DCAF6: variants seen among roughly 807,000 people sequenced by gnomAD.
The protein encoded by DCAF6 is DDB1 and CUL4 associated factor 6, also known as DDB1- and CUL4-associated factor 6.
DCAF6 carries 54 observed loss-of-function variants against 125.1 expected under a neutral mutation model. The observed-to-expected ratio is 0.43, with a 90% CI of 0.35 to 0.54. DCAF6 has a LOEUF of 0.54. Among genes scored for constraint, DCAF6 ranks in the 20% least tolerant of loss-of-function variants. The pLI is 0.01. For synonymous variants in DCAF6, 371 were observed against 390.4 expected (o/e 0.95, Z 0.58); for missense variants, 934 against 1,161.7 (o/e 0.80, Z 2.85).
intron 13 of DCAF6, 116 bp from the exon 14 acceptor site, chr1:168,042,909 C>G: frequency 1.6e-6 from 1 of 612,602 alleles, no homozygotes; most frequent in Non-Finnish European, 2.9e-6. Flanking sequence ...AATTATAAAT[C>G]CTACATTTTA....
intron 17 of DCAF6, among the ~76,000 whole-genome samples, chr1:168,060,008 A>G (rs924269535): frequency 4.6e-5 from 7 of 152,272 alleles, no homozygotes; most frequent in Admixed American, 3.3e-4. Context: ...GGTTTTGCAT[A>G]TATTTTTTAT....
rs142557483 is a variant in DCAF6 at position 168,006,967 on chromosome 1, A to G, written c.1378+2174A>G. On this transcript the variant is annotated intron_variant, in intron 10 of 21. Coordinates refer to ENST00000367840, the MANE Select transcript of DCAF6 (RefSeq NM_001198956.2). Reference sequence around the variant, plus strand: ...AAGAAAGTTATGACCACAAATTTCAATGGGTGCTCAACACTGTGCATCAGA... The same window carrying G: ...AAGAAAGTTATGACCACAAATTTCAGTGGGTGCTCAACACTGTGCATCAGA... 1.5e-3 allele frequency among the ~76,000 whole-genome samples: 221 copies of G among 152,334 alleles called. 1 individual carries two copies. The highest frequency in any genetic ancestry group is 2.7e-3 in the Non-Finnish European group (185 of 68,010).
chr1:168,041,749 A>G (rs553095780), intron 13 of DCAF6, among the ~76,000 whole-genome samples: 22 of 152,084 alleles, frequency 1.4e-4, no homozygotes, highest in African/African-American at 4.8e-4. Context: ...TTTAATTACT[A>G]TAATGTATAC....
chr1:167,893,917 A>T, the DCAF6 span: 2 of 1,613,412 alleles, frequency 1.2e-6, no homozygotes, highest in Admixed American at 3.3e-5. Context: ...ATCAGGCTTC[A>T]GCGTGCATGC....
chr1:168,053,261 G>T (rs1043502680), intron 17 of DCAF6, among the ~76,000 whole-genome samples: 1 of 152,234 alleles, frequency 6.6e-6, no homozygotes, highest in South Asian at 2.1e-4. Flanking sequence ...ATATAAGAAT[G>T]TAAGCACCTT....
chr1:167,947,587 C>A (rs1320819166), intron 1 of DCAF6, among the ~76,000 whole-genome samples: 1 of 152,092 alleles, frequency 6.6e-6, no homozygotes, highest in Non-Finnish European at 1.5e-5. Flanking sequence ...GTTTCAAAAA[C>A]ATTTTTTTAA....
At chr1:168,072,316 AAAAAAAAAAG>A (rs1693195161) in intron 21 of DCAF6, among the ~76,000 whole-genome samples, 4 of 149,536 alleles carry the variant, frequency 2.7e-5, no homozygotes, top group African/African-American at 9.9e-5. Flanking sequence ...AAAAAAAAAA[AAAAAAAAAAG>A]AAAAGAAAAG....
intron 7 of DCAF6, among the ~76,000 whole-genome samples, chr1:168,001,378 T>C (rs555513439): frequency 2.0e-5 from 3 of 152,294 alleles, no homozygotes; most frequent in African/African-American, 7.2e-5. Flanking sequence ...CTCTGAAAGA[T>C]GCTGTTTGAG....
In DCAF6 at chr1:167,948,217, T is replaced by C. The variant is rs112062215; in HGVS notation, c.98-3583T>C. The stretch of plus-strand genomic sequence containing the variant: ...CACTCTTCACTTTGACTTCAGACAG[T>C]CTGATTATAATGTTGCCATGGTGGA... On this transcript the variant is annotated intron_variant, in intron 1 of 21. Coordinates refer to ENST00000367840, the MANE Select transcript of DCAF6 (RefSeq NM_001198956.2). Among the ~76,000 whole-genome samples the C allele has an allele frequency of 2.9e-3, 444 of 152,026 alleles. 1 individual carries two copies. The highest frequency in any genetic ancestry group is 0.01 in the African/African-American group (422 of 41,474).
At chr1:167,990,571 A>G (rs970716970) in intron 5 of DCAF6, among the ~76,000 whole-genome samples, 4 of 152,176 alleles carry the variant, frequency 2.6e-5, no homozygotes, top group Non-Finnish European at 5.9e-5. Flanking sequence ...ATTCATGAGT[A>G]TGGGAATATT....
upstream of DCAF6, chr1:167,936,227 G>C (rs1348049126): frequency 4.1e-6 from 1 of 244,596 alleles, no homozygotes; most frequent in Admixed American, 5.3e-5. Flanking sequence ...GGGTCGAGCG[G>C]AAACCTCCTC....
chr1:167,968,229 T>C (rs1278040907), intron 3 of DCAF6, among the ~76,000 whole-genome samples: 4 of 152,090 alleles, frequency 2.6e-5, no homozygotes, highest in Non-Finnish European at 5.9e-5. Context: ...TATCAGGAGA[T>C]TGGAGTAGTA....
At chr1:167,910,521 G>C in the DCAF6 span, among the ~76,000 whole-genome samples, 19 of 152,204 alleles carry the variant, frequency 1.2e-4, no homozygotes, top group Non-Finnish European at 2.2e-4. Flanking sequence ...TGTAATGTGG[G>C]ACCCTGCAAT....
intron 1 of DCAF6, among the ~76,000 whole-genome samples, chr1:167,950,182 C>T (rs1673709235): frequency 6.7e-6 from 1 of 150,130 alleles, no homozygotes; most frequent in South Asian, 2.1e-4. Flanking sequence ...ACAAAGTTTC[C>T]AATACTTTAA....
chr1:167,880,557 T>G, the DCAF6 span: 1 of 1,614,088 alleles, frequency 6.2e-7, no homozygotes. Context: ...ATGAGTGAGC[T>G]CGTCAGGTAC....
the DCAF6 span, among the ~76,000 whole-genome samples, chr1:167,887,296 C>G: frequency 0.012 from 1,800 of 152,302 alleles, 32 homozygotes; most frequent in African/African-American, 0.033. Context: ...GGAACCAACC[C>G]AAATGTCCAT....
At chr1:167,918,346 G>C in the DCAF6 span, 1 of 1,561,924 alleles carries the variant, frequency 6.4e-7, no homozygotes, top group Non-Finnish European at 8.8e-7. Flanking sequence ...TTAGCTTTTA[G>C]TTCTTGGTTA....
At chr1:168,069,437 G>C (rs983745315) in intron 21 of DCAF6, among the ~76,000 whole-genome samples, 3 of 152,074 alleles carry the variant, frequency 2.0e-5, no homozygotes, top group African/African-American at 7.2e-5. Context: ...CCCACCTCAG[G>C]GTTTTTATAA....
chr1:167,992,686 C>G (rs1430433701), intron 6 of DCAF6, among the ~76,000 whole-genome samples: 3 of 152,120 alleles, frequency 2.0e-5, no homozygotes, highest in African/African-American at 7.2e-5. Context: ...AGTTGTACAC[C>G]TATCTGTCAT....
Sources: allele counts gnomAD v4.1 joint callset (sites outside exome capture counted in the v4.1 genomes callset), GRCh38; gene constraint gnomAD v4.1.1; transcripts MANE v1.5; gene names NCBI Gene and HGNC (gene_info 2026-07-23, HGNC 2026-07-21).